SVEP1: variants seen among roughly 807,000 people sequenced by gnomAD.
SVEP1 encodes the protein sushi, von Willebrand factor type A, EGF and pentraxin domain-containing protein 1.
In SVEP1, 164 loss-of-function variants were observed where a neutral mutation model predicts 367.3. The observed-to-expected ratio is 0.45, with a 90% CI of 0.39 to 0.51. SVEP1 has a LOEUF of 0.51. Among genes scored for constraint, SVEP1 ranks in the 20% least tolerant of loss-of-function variants. The pLI, the probability that SVEP1 is intolerant of heterozygous loss-of-function variation, is 0.00. For synonymous variants in SVEP1, 1,666 were observed against 1,611.6 expected (o/e 1.03, Z -0.81); for missense variants, 4,117 against 4,425.3 (o/e 0.93, Z 1.98).
Position 110,407,998 on chromosome 9 carries a change from A to G in SVEP1, c.7602T>C (p.Ser2534=), listed in dbSNP as rs1827982025. 4 of 1,613,920 alleles carry G rather than the reference A, an allele frequency of 2.5e-6. No homozygotes were observed. In the South Asian group the frequency reaches 4.4e-5, roughly 18 times the overall value. ...CACCTGTCTCTAAACAGGTCAAGGC[A>G]CTGGGACCTTCGAGCCGAAAGCCTC... ...CNRGFRLEGP[S]ALTCLETGDW... The change falls in exon 38 of 48, where the codon AGT becomes AGC. Residue 2534 remains serine (S), a synonymous_variant. Transcript: ENST00000374469.
At chr9:110,399,470 C>T (rs897949306) in intron 40 of SVEP1, among the ~76,000 whole-genome samples, 1 of 151,806 alleles carries the variant, frequency 6.6e-6, no homozygotes, top group African/African-American at 2.4e-5. Context: ...CACATGTACC[C>T]TAAAACTTAA....
intron 40 of SVEP1, among the ~76,000 whole-genome samples, chr9:110,394,205 C>T (rs1330861866): frequency 6.6e-6 from 1 of 151,888 alleles, no homozygotes; most frequent in African/African-American, 2.4e-5. Flanking sequence ...TCACCAATAT[C>T]CGCTGTTCTG....
chr9:110,408,857 T>A lies in SVEP1; in HGVS notation c.6743A>T (p.Asn2248Ile), dbSNP rs769977699. The change falls in exon 38 of 48, where the codon AAT becomes ATT. Residue 2248 changes from asparagine (N) to isoleucine (I), a missense_variant. By Grantham distance (149) the Asn-to-Ile change is moderately radical (BLOSUM62 -3). Around this residue, in one of 4 missense-constraint regions of SVEP1, gnomAD observed 1,765 missense variants for 1,781.1 expected, o/e 0.99. Transcript: ENST00000374469. ...AGGGGATTCACTGTGCCAGTGGCGATTGGCTTGGCAGACAAATACAGGACT... is the reference window on the plus strand; with the variant it reads ...AGGGGATTCACTGTGCCAGTGGCGAATGGCTTGGCAGACAAATACAGGACT... ...VGSPVFVCQA[N>I]RHWHSESPLM... 6.2e-7 allele frequency: 1 copy of A among 1,613,668 alleles called. No individual in the cohort carries two copies. The highest frequency in any genetic ancestry group is 8.5e-7 in the Non-Finnish European group (1 of 1,179,874).
chr9:110,489,887 G>A, intron 8 of SVEP1, 108 bp from the exon 9 acceptor site: 3 of 1,340,166 alleles, frequency 2.2e-6, no homozygotes, highest in Admixed American at 2.7e-5. Flanking sequence ...ATTTCACAAA[G>A]AGGAAAGGAA....
chr9:110,501,902 G>T, intron 6 of SVEP1, among the ~76,000 whole-genome samples: 1 of 151,996 alleles, frequency 6.6e-6, no homozygotes, highest in East Asian at 1.9e-4. Context: ...TTGATTGGCA[G>T]ATTATTTTCT....
Position 110,408,945 on chromosome 9 carries a change from T to G in SVEP1, c.6655A>C (p.Thr2219Pro). The G allele has an allele frequency of 6.4e-7, 1 of 1,572,570 alleles. No individual in the cohort carries two copies. Among genetic ancestry groups the G allele is most frequent in the East Asian group, 2.2e-5 (1 of 44,544 alleles). ...ACTTCACTCTCAAAGATCCTGCCAGTTGTATGCTGTGCAACAGGAAGAAAG... is the reference window on the plus strand; with the variant it reads ...ACTTCACTCTCAAAGATCCTGCCAGGTGTATGCTGTGCAACAGGAAGAAAG... ...KVENGFLEHTTGRIFESEVRY... is the reference protein window; with the variant it reads ...KVENGFLEHTPGRIFESEVRY... The change falls in exon 38 of 48, where the codon ACT (threonine) becomes CCT (proline). Residue 2219 changes from threonine (T) to proline (P), a missense_variant. Thr to Pro is a conservative substitution (Grantham distance 38). This residue lies in a region of SVEP1 where 1,765 missense variants were observed against 1,781.1 expected (regional missense o/e 0.99). Transcript: ENST00000374469.
At chr9:110,448,326 C>T (rs559721542) in intron 24 of SVEP1, among the ~76,000 whole-genome samples, 1 of 152,110 alleles carries the variant, frequency 6.6e-6, no homozygotes. Context: ...TGTAATTTTC[C>T]GTGTGACTGA....
chr9:110,517,522 C>T (rs1346865861), intron 3 of SVEP1, among the ~76,000 whole-genome samples: 5 of 149,064 alleles, frequency 3.4e-5, no homozygotes, highest in African/African-American at 9.9e-5. Context: ...CACTTGAACT[C>T]GGGAAGCGGA....
chr9:110,474,715 T>C (rs148446921), intron 14 of SVEP1, among the ~76,000 whole-genome samples: 202 of 152,266 alleles, frequency 1.3e-3, no homozygotes, highest in Middle Eastern at 3.4e-3. Context: ...CTTTTTCCTA[T>C]CTAAAACCTT....
intron 40 of SVEP1, among the ~76,000 whole-genome samples, chr9:110,390,951 T>G (rs1035733714): frequency 1.3e-5 from 2 of 152,196 alleles, no homozygotes; most frequent in African/African-American, 4.8e-5. Flanking sequence ...ACCCCTTCCA[T>G]GAACTCCTAT....
intron 33 of SVEP1, 121 bp from the exon 34 acceptor site, chr9:110,430,125 TG>T: frequency 9.4e-7 from 1 of 1,062,728 alleles, no homozygotes; most frequent in Non-Finnish European, 1.3e-6. Context: ...TTTTTTTTGG[TG>T]TGTGTGTGTG....
In SVEP1 at chr9:110,366,495, A is replaced by C. The variant is rs765784748; in HGVS notation, c.*44T>G. 1.6e-5 allele frequency: 24 copies of C among 1,538,438 alleles called. No homozygotes were observed. The highest frequency in any genetic ancestry group is 2.1e-5 in the Non-Finnish European group (24 of 1,144,578). ...CCAGGATGCCCAGGCACTACCGAGG[A>C]GAGATGATCCTGCTTTTGGGAGAGC... On this transcript the variant is annotated 3_prime_UTR_variant, in exon 48 of 48. Transcript: ENST00000374469.
chr9:110,432,244 G>A (rs1405396652), intron 31 of SVEP1, among the ~76,000 whole-genome samples: 1 of 152,088 alleles, frequency 6.6e-6, no homozygotes, highest in African/African-American at 2.4e-5. Flanking sequence ...GTATAAGACA[G>A]GGATATATAA....
chr9:110,569,456 C>A (rs367993185), intron 1 of SVEP1, among the ~76,000 whole-genome samples: 430 of 116,522 alleles, frequency 3.7e-3, no homozygotes, highest in Middle Eastern at 8.5e-3. Context: ...AACTCAGTCT[C>A]AAAAAAAAAA....
chr9:110,500,543 A>G (rs1192759981), intron 6 of SVEP1, among the ~76,000 whole-genome samples: 3 of 152,144 alleles, frequency 2.0e-5, no homozygotes, highest in Non-Finnish European at 4.4e-5. Context: ...ATTCACTTAC[A>G]TATGTTAAAT....
At chr9:110,466,604 C>CA (rs1272177044) in intron 17 of SVEP1, among the ~76,000 whole-genome samples, 32 of 150,548 alleles carry the variant, frequency 2.1e-4, no homozygotes, top group Non-Finnish European at 2.2e-4. Context: ...TAAAAAAATA[C>CA]AAAAAAATTA....
chr9:110,542,870 C>T (rs1170577197), intron 3 of SVEP1, among the ~76,000 whole-genome samples: 2 of 150,380 alleles, frequency 1.3e-5, no homozygotes, highest in East Asian at 3.9e-4. Flanking sequence ...ATGTGAATGA[C>T]GAGTTAATGG....
At chr9:110,373,979 A>C (rs981907367) in intron 46 of SVEP1, among the ~76,000 whole-genome samples, 1 of 152,000 alleles carries the variant, frequency 6.6e-6, no homozygotes, top group Non-Finnish European at 1.5e-5. Flanking sequence ...ATATTTTTCC[A>C]TTTCTTTTCC....
At chr9:110,541,017 G>T (rs1026810808) in intron 3 of SVEP1, among the ~76,000 whole-genome samples, 2 of 152,104 alleles carry the variant, frequency 1.3e-5, no homozygotes, top group Non-Finnish European at 2.9e-5. Context: ...AGCTATCTTT[G>T]GTCTCAAGGG....
Sources: gnomAD v4.1 joint callset for allele counts (sites outside exome capture counted in the v4.1 genomes callset) on GRCh38, gnomAD v4.1.1 for gene constraint, gnomAD v4.1.1 regional missense constraint, MANE v1.5 for transcripts, NCBI Gene and HGNC (gene_info 2026-07-23, HGNC 2026-07-21) for gene names.